Variants in DOCK3 observed in about 807,000 individuals in gnomAD.
DOCK3 encodes the protein dedicator of cytokinesis protein 3.
In DOCK3, 60 loss-of-function variants were observed where a neutral mutation model predicts 265.6. The ratio of observed to expected loss-of-function variants is 0.23; its 90% CI spans 0.18 to 0.28. The LOEUF (loss-of-function observed/expected upper bound fraction) is 0.28, where lower values mean the gene tolerates loss of function less well. Among genes scored for constraint, DOCK3 ranks in the 10% least tolerant of loss-of-function variants. The pLI, the probability that DOCK3 is intolerant of heterozygous loss-of-function variation, is 1.00. For synonymous variants in DOCK3, 881 were observed against 938.0 expected (o/e 0.94, Z 1.11); for missense variants, 1,981 against 2,594.3 (o/e 0.76, Z 5.14).
At chr3:50,994,771 G>T (rs1029291267) in intron 5 of DOCK3, among the ~76,000 whole-genome samples, 92 of 152,126 alleles carry the variant, frequency 6.0e-4, no homozygotes, top group African/African-American at 2.2e-3. Flanking sequence ...ATTACCCAGG[G>T]AGAAAGTGTG....
intron 7 of DOCK3, among the ~76,000 whole-genome samples, chr3:51,075,998 G>A (rs1033013927): frequency 6.6e-6 from 1 of 152,172 alleles, no homozygotes; most frequent in African/African-American, 2.4e-5. Flanking sequence ...TGACAGTTAT[G>A]CTTAGACTAA....
chr3:51,154,073 T>A (rs1032356980), intron 10 of DOCK3, among the ~76,000 whole-genome samples: 2 of 152,216 alleles, frequency 1.3e-5, no homozygotes, highest in Non-Finnish European at 2.9e-5. Context: ...GCAAATGGGA[T>A]TTATCTGGAG....
At chr3:50,986,559 T>C (rs1233706680) in intron 5 of DOCK3, among the ~76,000 whole-genome samples, 1 of 152,232 alleles carries the variant, frequency 6.6e-6, no homozygotes, top group Admixed American at 6.5e-5. Flanking sequence ...TAGAATAGCT[T>C]TGGAAATTTC....
At chr3:51,057,525 T>A (rs1335949585) in intron 5 of DOCK3, among the ~76,000 whole-genome samples, 1 of 152,224 alleles carries the variant, frequency 6.6e-6, no homozygotes, top group Non-Finnish European at 1.5e-5. Context: ...GTTACTTTAA[T>A]CCACTGAGGA....
intron 23 of DOCK3, among the ~76,000 whole-genome samples, chr3:51,265,569 C>T (rs978713050): frequency 1.3e-5 from 2 of 152,302 alleles, no homozygotes; most frequent in Non-Finnish European, 2.9e-5. Flanking sequence ...TAAATGTAAT[C>T]CATCACATAA....
intron 19 of DOCK3, among the ~76,000 whole-genome samples, chr3:51,232,823 G>A (rs892554127): frequency 6.6e-6 from 1 of 152,184 alleles, no homozygotes; most frequent in Non-Finnish European, 1.5e-5. Flanking sequence ...CACTGTGAGG[G>A]TTGTCTGTTT....
At chr3:51,092,598 T>C (rs1428305268) in intron 9 of DOCK3, among the ~76,000 whole-genome samples, 2 of 152,196 alleles carry the variant, frequency 1.3e-5, no homozygotes, top group African/African-American at 2.4e-5. Context: ...CAGCAGACTT[T>C]AGTTTCCCTG....
chr3:51,264,376 A>G (rs527244417), intron 23 of DOCK3, among the ~76,000 whole-genome samples: 1 of 152,350 alleles, frequency 6.6e-6, no homozygotes, highest in African/African-American at 2.4e-5. Flanking sequence ...ACAACATACC[A>G]GAACCTCTGG....
chr3:51,147,110 C>G (rs984894540), intron 10 of DOCK3, among the ~76,000 whole-genome samples: 8 of 151,298 alleles, frequency 5.3e-5, no homozygotes, highest in Admixed American at 3.3e-4. Flanking sequence ...GAGACCAGAC[C>G]CTGTCTCAAA....
intron 21 of DOCK3, among the ~76,000 whole-genome samples, chr3:51,242,767 G>A (rs540504494): frequency 6.6e-6 from 1 of 152,194 alleles, no homozygotes; most frequent in Admixed American, 6.5e-5. Context: ...ATGGTGGTGG[G>A]AGCAGGGGAC....
intron 9 of DOCK3, 40 bp from the exon 10 acceptor site, chr3:51,146,509 T>G (rs1187408104): frequency 3.9e-6 from 6 of 1,548,272 alleles, no homozygotes; most frequent in Non-Finnish European, 5.3e-6. Flanking sequence ...CTGGAGTGTG[T>G]TACTCACATT....
chr3:50,778,196 A>G (rs2041718189), intron 1 of DOCK3, among the ~76,000 whole-genome samples: 1 of 152,076 alleles, frequency 6.6e-6, no homozygotes, highest in African/African-American at 2.4e-5. Flanking sequence ...TGTTGTGCAT[A>G]TGCTTTCTAT....
chr3:50,714,174 A>G (rs570650296), intron 1 of DOCK3, among the ~76,000 whole-genome samples: 5 of 152,174 alleles, frequency 3.3e-5, no homozygotes, highest in East Asian at 3.9e-4. Context: ...CCTGCTTTCA[A>G]TTTTGCTATT....
At chr3:51,362,781 A>C in intron 49 of DOCK3, 107 bp downstream of exon 49, 1 of 1,445,602 alleles carries the variant, frequency 6.9e-7, no homozygotes, top group Non-Finnish European at 9.3e-7. Context: ...CCTGTGACTT[A>C]GAGAATACTC....
At chr3:50,926,217 A>G (rs2050750090) in intron 4 of DOCK3, among the ~76,000 whole-genome samples, 1 of 152,176 alleles carries the variant, frequency 6.6e-6, no homozygotes, top group Non-Finnish European at 1.5e-5. Context: ...GGGTATGCCA[A>G]GATAATTCCA....
At chr3:50,913,940 C>CT (rs1251758738) in intron 4 of DOCK3, among the ~76,000 whole-genome samples, 2 of 151,962 alleles carry the variant, frequency 1.3e-5, no homozygotes, top group Non-Finnish European at 2.9e-5. Context: ...CATAAAGGTG[C>CT]TTTTTTGGAG....
chr3:51,377,321 C>T (rs952702740), intron 51 of DOCK3, among the ~76,000 whole-genome samples: 17 of 152,274 alleles, frequency 1.1e-4, no homozygotes, highest in African/African-American at 4.1e-4. Flanking sequence ...CAGGCCAGAG[C>T]GTAGCTCCCT....
At chr3:50,819,853 T>G (rs945398435) in intron 2 of DOCK3, among the ~76,000 whole-genome samples, 8 of 152,084 alleles carry the variant, frequency 5.3e-5, no homozygotes, top group South Asian at 2.1e-4. Context: ...TCCCAGCTAC[T>G]CAGGAGGCTG....
intron 1 of DOCK3, among the ~76,000 whole-genome samples, chr3:50,723,336 A>T (rs1435095261): frequency 6.6e-6 from 1 of 152,188 alleles, no homozygotes; most frequent in Non-Finnish European, 1.5e-5. Context: ...AGAGTCCTGA[A>T]AGAAGAGTAG....
Sources: gnomAD v4.1 joint callset for allele counts (sites outside exome capture counted in the v4.1 genomes callset) on GRCh38, gnomAD v4.1.1 for gene constraint, MANE v1.5 for transcripts, NCBI Gene and HGNC (gene_info 2026-07-23, HGNC 2026-07-21) for gene names.